SH2B3: variants seen among roughly 807,000 people sequenced by gnomAD.
SH2B3 encodes SH2B adaptor protein 3.
In SH2B3, 43 loss-of-function variants were observed where a neutral mutation model predicts 51.9. The observed-to-expected ratio is 0.83, with a 90% CI of 0.65 to 1.07. The LOEUF (loss-of-function observed/expected upper bound fraction) is 1.07, where lower values mean the gene tolerates loss of function less well. SH2B3 is among the 50% of genes least tolerant of loss of function. The probability of loss-of-function intolerance (pLI) is 0.00; values close to 1 mark genes in which losing one functional copy is unlikely to be tolerated. For synonymous variants in SH2B3, 396 were observed against 376.0 expected (o/e 1.05, Z -0.62); for missense variants, 952 against 834.3 (o/e 1.14, Z -1.74).
At chr12:111,422,714 C>CCACCA (rs1369176499) in intron 2 of SH2B3, among the ~76,000 whole-genome samples, 4 of 152,170 alleles carry the variant, frequency 2.6e-5, no homozygotes, top group Admixed American at 2.6e-4. Context: ...GCGCATGCTA[C>CCACCA]CACGCCTGGC....
chr12:111,422,403 G>T (rs1427637545), intron 2 of SH2B3, among the ~76,000 whole-genome samples: 2 of 152,138 alleles, frequency 1.3e-5, no homozygotes, highest in Non-Finnish European at 2.9e-5. Context: ...ATGTTGATTG[G>T]TCATCGGAAT....
At chr12:111,419,494 T>C (rs1871366682) in intron 2 of SH2B3, among the ~76,000 whole-genome samples, 1 of 152,022 alleles carries the variant, frequency 6.6e-6, no homozygotes, top group South Asian at 2.1e-4. Context: ...AAAAATTAGC[T>C]GAGCACAGTG....
At chr12:111,428,978 G>A (rs901911268) in intron 2 of SH2B3, among the ~76,000 whole-genome samples, 6 of 151,606 alleles carry the variant, frequency 4.0e-5, no homozygotes, top group East Asian at 2.0e-4. Context: ...AGGGACGTCC[G>A]CCGGAGGCCT....
At chr12:111,431,322 C>T (rs1459256010) in intron 2 of SH2B3, among the ~76,000 whole-genome samples, 2 of 152,184 alleles carry the variant, frequency 1.3e-5, no homozygotes, top group African/African-American at 4.8e-5. Context: ...AGAGAGAAAC[C>T]TCTCTCTAGG....
chr12:111,439,995 C>T (rs1045259346), intron 2 of SH2B3, among the ~76,000 whole-genome samples: 6 of 152,196 alleles, frequency 3.9e-5, no homozygotes, highest in African/African-American at 1.4e-4. Flanking sequence ...TCCTGCACAT[C>T]TTCTGTGGCT....
chr12:111,433,246 G>A (rs1872619949), intron 2 of SH2B3, among the ~76,000 whole-genome samples: 1 of 152,106 alleles, frequency 6.6e-6, no homozygotes, highest in Non-Finnish European at 1.5e-5. Flanking sequence ...AGTTACTCAG[G>A]AGGCTGAGGC....
intron 2 of SH2B3, among the ~76,000 whole-genome samples, chr12:111,419,928 T>C (rs1871401220): frequency 6.6e-6 from 1 of 152,198 alleles, no homozygotes; most frequent in African/African-American, 2.4e-5. Flanking sequence ...TTTCCAACCC[T>C]CTATTGCTGA....
In SH2B3 at chr12:111,418,033, G is replaced by T; in HGVS notation, c.-27-86G>T. On this transcript the variant is annotated intron_variant, in intron 1 of 7. Coordinates refer to ENST00000341259, the MANE Select transcript of SH2B3 (RefSeq NM_005475.3). This position sits in a 1 kb window ranked among gnomAD's most constrained non-coding sequence, Gnocchi z 6.7. Reference sequence around the variant, plus strand: ...GGTGTTATGGTCGCGTTGGATTTCTGCTGTGGTGCCCGGTGTGTAATGGGG... The same window carrying T: ...GGTGTTATGGTCGCGTTGGATTTCTTCTGTGGTGCCCGGTGTGTAATGGGG... 2.0e-6 allele frequency: 2 copies of T among 1,013,772 alleles called. No individual in the cohort carries two copies. Among genetic ancestry groups the T allele is most frequent in the Middle Eastern group, 3.4e-4 (1 of 2,966 alleles). The allele number at this position is 1,013,772 out of a possible 1,614,324, so 62.8% of individuals were successfully genotyped here. A position where few individuals can be genotyped will look rare whatever the true frequency, so the allele number is the denominator to read the frequency against.
At chr12:111,425,010 G>A (rs976400729) in intron 2 of SH2B3, among the ~76,000 whole-genome samples, 3 of 152,142 alleles carry the variant, frequency 2.0e-5, no homozygotes, top group Non-Finnish European at 4.4e-5. Flanking sequence ...AGGGCTGGAA[G>A]AGGCTTTGGA....
Position 111,448,313 on chromosome 12 carries a change from A to G in SH2B3, c.*11A>G, listed in dbSNP as rs1161551036. ...TACACACCTCTCTGACCAGTGAGGA[A>G]TTCCAGGCCTCAACAGCTGCCCTTG... On this transcript the variant is annotated 3_prime_UTR_variant, in exon 8 of 8. Transcript: ENST00000341259. The G allele has an allele frequency of 2.5e-6, 4 of 1,578,400 alleles. No individual in the cohort carries two copies. The East Asian group carries it at 9.0e-5, about 36-fold the overall frequency.
At chr12:111,421,270 G>A (rs796516873) in intron 2 of SH2B3, among the ~76,000 whole-genome samples, 5 of 152,170 alleles carry the variant, frequency 3.3e-5, no homozygotes, top group African/African-American at 1.2e-4. Flanking sequence ...AGCCTCCCCA[G>A]TAGCTGGGAT....
Position 111,435,771 on chromosome 12 carries a change from C to T in SH2B3, c.733-10982C>T, listed in dbSNP as rs1451685861. Among the ~76,000 whole-genome samples, 2 of 152,080 alleles carry T rather than the reference C, an allele frequency of 1.3e-5. No homozygotes were observed. Among genetic ancestry groups the T allele is most frequent in the African/African-American group, 2.4e-5 (1 of 41,410 alleles). On this transcript the variant is annotated intron_variant, in intron 2 of 7. Transcript: ENST00000341259. This position sits in a 1 kb window ranked among gnomAD's most constrained non-coding sequence, Gnocchi z 4.8. ...TGGGGCGTCCATGGCCTTGTGGTGG[C>T]GAGGCGCAGAAGGCGTCACCTGAAA...
chr12:111,407,688 C>T lies in SH2B3; in HGVS notation c.-28+1411C>T, dbSNP rs370395902. ...ACTACCCCCTCTGGGAGGGAAAATC[C>T]TTCTGAGCCAAAGGGTGAGCATTCC... is the stretch of plus-strand genomic sequence containing the variant. On this transcript the variant is annotated intron_variant, in intron 1 of 7. Coordinates refer to ENST00000341259, the MANE Select transcript of SH2B3 (RefSeq NM_005475.3). The surrounding 1 kb of genome is among the most constrained non-coding windows in gnomAD (Gnocchi z 4.3). Among the ~76,000 whole-genome samples, 304 of 152,308 alleles carry T rather than the reference C, an allele frequency of 2.0e-3. 1 individual carries two copies. Among genetic ancestry groups the T allele is most frequent in the South Asian group, 3.1e-3 (15 of 4,828 alleles).
intron 2 of SH2B3, among the ~76,000 whole-genome samples, chr12:111,432,154 C>T (rs971618010): frequency 2.0e-5 from 3 of 149,968 alleles, no homozygotes; most frequent in African/African-American, 4.9e-5. Context: ...TAGGTTCAAG[C>T]GATTCTCGTG....
intron 2 of SH2B3, among the ~76,000 whole-genome samples, chr12:111,445,609 T>C (rs1213031141): frequency 6.6e-6 from 1 of 152,254 alleles, no homozygotes; most frequent in Non-Finnish European, 1.5e-5. Flanking sequence ...CAGTCATTAC[T>C]CTCCCCCAGC....
rs147469939 is a variant in SH2B3, at chr12:111,415,941, T to G, written c.-27-2178T>G. Among the ~76,000 whole-genome samples, 348 of 151,150 alleles carry G rather than the reference T, an allele frequency of 2.3e-3. 5 individuals carry two copies. The East Asian group carries it at 0.037, about 16-fold the overall frequency. On this transcript the variant is annotated intron_variant, in intron 1 of 7. Coordinates refer to ENST00000341259, the MANE Select transcript of SH2B3 (RefSeq NM_005475.3). ...CCGGCCCATTTATTTATGTATTTAT[T>G]TATTTATTTATTTATTTAGAGACGG...
At chr12:111,405,750 C>T (rs1015319598), upstream of SH2B3, among the ~76,000 whole-genome samples, 4 of 152,184 alleles carry the variant, frequency 2.6e-5, no homozygotes, top group African/African-American at 4.8e-5. This position sits in a 1 kb window ranked among gnomAD's most constrained non-coding sequence, Gnocchi z 5.4. Context: ...CGCGGACTAG[C>T]GGGATTGGTA....
intron 2 of SH2B3, among the ~76,000 whole-genome samples, chr12:111,440,247 G>A (rs1873277613): frequency 6.6e-6 from 1 of 152,226 alleles, no homozygotes; most frequent in African/African-American, 2.4e-5. Context: ...GTAGGTGAAG[G>A]CACAGGAGGG....
chr12:111,432,251 C>T (rs1459491749), intron 2 of SH2B3, among the ~76,000 whole-genome samples: 6 of 151,954 alleles, frequency 3.9e-5, no homozygotes, highest in Admixed American at 2.0e-4. Flanking sequence ...GGGGTTTCAC[C>T]ATGTTGGCCA....
Sources: allele counts gnomAD v4.1 joint callset (sites outside exome capture counted in the v4.1 genomes callset), GRCh38; gene constraint gnomAD v4.1.1; non-coding constraint Gnocchi (gnomAD v3.1); transcripts MANE v1.5; gene names NCBI Gene and HGNC (gene_info 2026-07-23, HGNC 2026-07-21).